Variants in FBXL7 observed in about 807,000 individuals in gnomAD.
The protein encoded by FBXL7 is F-box/LRR-repeat protein 7.
In FBXL7, 12 loss-of-function variants were observed where a neutral mutation model predicts 38.3. The ratio of observed to expected loss-of-function variants is 0.31; its 90% CI spans 0.20 to 0.51. FBXL7 has a LOEUF of 0.51. Ranked by LOEUF, FBXL7 falls within the 20% of genes least tolerant of loss-of-function variation. The pLI, the probability that FBXL7 is intolerant of heterozygous loss-of-function variation, is 0.98. For synonymous variants in FBXL7, 297 were observed against 300.9 expected (o/e 0.99, Z 0.13); for missense variants, 567 against 676.4 (o/e 0.84, Z 1.79).
chr5:15,610,590 C>T (rs1740199735), intron 1 of FBXL7, among the ~76,000 whole-genome samples: 1 of 152,164 alleles, frequency 6.6e-6, no homozygotes, highest in Non-Finnish European at 1.5e-5. Context: ...GAGCACCACC[C>T]TCCCTGCCTC....
rs373992874 is a variant in FBXL7, at chr5:15,847,653, A to C, written c.128-80237A>C. On this transcript the variant is annotated intron_variant, in intron 2 of 3. Transcript: ENST00000504595. ...TATGGAAAAGGTGGGGGGACCTTGC[A>C]GATATCAGAAAGCTCTCAAATCAGT... Among the ~76,000 whole-genome samples, 26 of 152,334 alleles carry C rather than the reference A, an allele frequency of 1.7e-4. No individual in the cohort carries two copies. The East Asian group carries it at 3.9e-3, about 23-fold the overall frequency.
intron 2 of FBXL7, among the ~76,000 whole-genome samples, chr5:15,672,822 T>G (rs1010904270): frequency 6.6e-6 from 1 of 152,172 alleles, no homozygotes; most frequent in African/African-American, 2.4e-5. Flanking sequence ...CCCAAAGTGC[T>G]GGGATTACAG....
chr5:15,920,952 T>TGGTC (rs1741724430), intron 2 of FBXL7, among the ~76,000 whole-genome samples: 1 of 152,202 alleles, frequency 6.6e-6, no homozygotes, highest in Non-Finnish European at 1.5e-5. Context: ...CAAAAGTGTG[T>TGGTC]GGTCATTTCT....
chr5:15,857,882 T>A (rs1250676881), intron 2 of FBXL7, among the ~76,000 whole-genome samples: 1 of 151,528 alleles, frequency 6.6e-6, no homozygotes, highest in Non-Finnish European at 1.5e-5. Context: ...CAGCATCTGG[T>A]ATATGTGTAT....
chr5:15,861,306 T>G (rs1739463091), intron 2 of FBXL7, among the ~76,000 whole-genome samples: 1 of 152,218 alleles, frequency 6.6e-6, no homozygotes, highest in Admixed American at 6.5e-5. Flanking sequence ...GTATCTGAAG[T>G]CTTTGAAAAG....
chr5:15,939,364 C>T lies in FBXL7; in HGVS notation c.*2178C>T, dbSNP rs943309136. On this transcript the variant is annotated 3_prime_UTR_variant, in exon 4 of 4. Transcript: ENST00000504595. ...CCTAATCCTTGGCCCTGGGGTCTTC[C>T]GAGTGAGCTGGTTTAATACTCTGAG... 2.1e-4 allele frequency: 56 copies of T among 261,350 alleles called. No individual in the cohort carries two copies. The highest frequency in any genetic ancestry group is 1.1e-3 in the Middle Eastern group (1 of 942). 16.2% of individuals were successfully genotyped at this position (261,350 alleles called of 1,614,324 possible).
chr5:15,707,342 C>T (rs1320527394), intron 2 of FBXL7, among the ~76,000 whole-genome samples: 3 of 152,044 alleles, frequency 2.0e-5, no homozygotes, highest in East Asian at 3.9e-4. Flanking sequence ...TCTGTGCACA[C>T]ATCTTGTTAT....
intron 2 of FBXL7, among the ~76,000 whole-genome samples, chr5:15,842,839 T>G (rs1738786265): frequency 6.6e-6 from 1 of 152,226 alleles, no homozygotes; most frequent in Non-Finnish European, 1.5e-5. Flanking sequence ...TACGTGGAAC[T>G]GTGAGTCAAT....
intron 1 of FBXL7, among the ~76,000 whole-genome samples, chr5:15,566,687 C>A (rs1738583180): frequency 6.6e-6 from 1 of 152,068 alleles, no homozygotes; most frequent in African/African-American, 2.4e-5. Context: ...ATAAATAATA[C>A]TAAAAGCATT....
At chr5:15,587,140 A>G (rs1355680124) in intron 1 of FBXL7, among the ~76,000 whole-genome samples, 1 of 152,206 alleles carries the variant, frequency 6.6e-6, no homozygotes, top group Non-Finnish European at 1.5e-5. Flanking sequence ...TGTGACTTCT[A>G]CATTCATATG....
Position 15,601,886 on chromosome 5 carries a change from T to C in FBXL7, c.38-14097T>C, listed in dbSNP as rs372449852. Among the ~76,000 whole-genome samples the C allele has an allele frequency of 6.6e-5, 10 of 152,270 alleles. 1 individual carries two copies. In the South Asian group the frequency reaches 2.1e-3, roughly 32 times the overall value. On this transcript the variant is annotated intron_variant, in intron 1 of 3. Transcript: ENST00000504595. ...CCTGGAACATCAGCATGTGACCTTATTTGGAAATAGGGTTGTTGCACATAA... is the reference window on the plus strand; with the variant it reads ...CCTGGAACATCAGCATGTGACCTTACTTGGAAATAGGGTTGTTGCACATAA...
chr5:15,869,467 C>T (rs956288350), intron 2 of FBXL7, among the ~76,000 whole-genome samples: 3 of 152,136 alleles, frequency 2.0e-5, no homozygotes, highest in Admixed American at 1.3e-4. Flanking sequence ...TTCTTTCACG[C>T]AAGAATTGTC....
intron 1 of FBXL7, among the ~76,000 whole-genome samples, chr5:15,579,363 C>T (rs145964727): frequency 3.9e-5 from 6 of 152,276 alleles, no homozygotes; most frequent in Admixed American, 2.0e-4. Context: ...GGACCTGGGA[C>T]GCCAGATGCT....
intron 2 of FBXL7, among the ~76,000 whole-genome samples, chr5:15,745,394 G>A (rs1483463798): frequency 1.3e-5 from 2 of 152,154 alleles, no homozygotes; most frequent in Non-Finnish European, 2.9e-5. Flanking sequence ...TTCTCTAGAT[G>A]TGAGAAAATC....
chr5:15,925,554 A>C (rs1056480020), intron 2 of FBXL7, among the ~76,000 whole-genome samples: 1 of 152,232 alleles, frequency 6.6e-6, no homozygotes, highest in Admixed American at 6.5e-5. Context: ...TTTGTATTGC[A>C]TGTTATTGCT....
chr5:15,580,228 C>T (rs1483061528), intron 1 of FBXL7, among the ~76,000 whole-genome samples: 1 of 152,154 alleles, frequency 6.6e-6, no homozygotes, highest in Non-Finnish European at 1.5e-5. Flanking sequence ...AGGAGGAGGG[C>T]TCTCACTAAG....
chr5:15,854,752 T>C (rs564037633), intron 2 of FBXL7, among the ~76,000 whole-genome samples: 2 of 152,170 alleles, frequency 1.3e-5, no homozygotes, highest in Non-Finnish European at 2.9e-5. Flanking sequence ...CCTTCACCCA[T>C]TTTTAACAAT....
intron 2 of FBXL7, among the ~76,000 whole-genome samples, chr5:15,868,140 A>G (rs915574970): frequency 8.6e-5 from 13 of 151,012 alleles, no homozygotes; most frequent in African/African-American, 3.2e-4. Context: ...GAAAGGGACC[A>G]TGGGCCAAGG....
At chr5:15,751,625 C>G (rs1216620395) in intron 2 of FBXL7, among the ~76,000 whole-genome samples, 2 of 152,168 alleles carry the variant, frequency 1.3e-5, no homozygotes, top group Non-Finnish European at 2.9e-5. Context: ...CTTTTCCTGT[C>G]ATTTTGGAGA....
Sources: gnomAD v4.1 joint callset for allele counts (sites outside exome capture counted in the v4.1 genomes callset) on GRCh38, gnomAD v4.1.1 for gene constraint, MANE v1.5 for transcripts, NCBI Gene and HGNC (gene_info 2026-07-23, HGNC 2026-07-21) for gene names.